PTK2: variants seen among roughly 807,000 people sequenced by gnomAD.
The protein encoded by PTK2 is focal adhesion kinase 1.
A neutral mutation model predicts 150.1 loss-of-function variants in PTK2; 45 were observed. The ratio of observed to expected loss-of-function variants is 0.30; its 90% CI spans 0.24 to 0.38. The LOEUF is 0.38. PTK2 is among the 10% of genes least tolerant of loss of function. The probability of loss-of-function intolerance (pLI) is 1.00; values close to 1 mark genes in which losing one functional copy is unlikely to be tolerated. For synonymous variants in PTK2, 432 were observed against 449.2 expected, an observed-to-expected ratio of 0.96 and a Z score of 0.48; for missense variants, 919 against 1,307.3, an observed-to-expected ratio of 0.70 and a Z score of 4.58.
intron 22 of PTK2, among the ~76,000 whole-genome samples, chr8:140,731,190 C>G (rs2100049094): frequency 6.6e-6 from 1 of 152,040 alleles, no homozygotes; most frequent in African/African-American, 2.4e-5. Context: ...GAGCTCCTGA[C>G]CTCAGGTGAT....
intron 14 of PTK2, among the ~76,000 whole-genome samples, chr8:140,786,628 A>C (rs1370611397): frequency 6.6e-6 from 1 of 152,018 alleles, no homozygotes. Context: ...GAAGGGAGGG[A>C]GGGCCGGCAG....
At chr8:140,748,694 C>T (rs2084031920) in intron 17 of PTK2, among the ~76,000 whole-genome samples, 1 of 152,034 alleles carries the variant, frequency 6.6e-6, no homozygotes. Context: ...CAAGAGGGCA[C>T]TGCATATAGA....
At chr8:140,759,530 TAAAAA>T (rs761643170) in intron 16 of PTK2, among the ~76,000 whole-genome samples, 24 of 58,076 alleles carry the variant, frequency 4.1e-4, no homozygotes, top group South Asian at 9.5e-4. Flanking sequence ...GACCCTGTCC[TAAAAA>T]AAAAAAAAAA....
At chr8:140,661,933 T>C (rs1284201272) in intron 31 of PTK2, among the ~76,000 whole-genome samples, 1 of 152,074 alleles carries the variant, frequency 6.6e-6, no homozygotes, top group African/African-American at 2.4e-5. Flanking sequence ...GGAAGTACAA[T>C]GGGGACAGGA....
At chr8:140,952,307 CG>C (rs756271682) in intron 1 of PTK2, among the ~76,000 whole-genome samples, 3 of 151,960 alleles carry the variant, frequency 2.0e-5, no homozygotes, top group Non-Finnish European at 4.4e-5. Flanking sequence ...ACAATATGGA[CG>C]GGGGAAGGAA....
intron 21 of PTK2, among the ~76,000 whole-genome samples, chr8:140,736,028 T>C (rs971160297): frequency 6.6e-6 from 1 of 152,248 alleles, no homozygotes; most frequent in African/African-American, 2.4e-5. Context: ...CTTCAAGTCG[T>C]CTTGTCTATA....
intron 1 of PTK2, among the ~76,000 whole-genome samples, chr8:140,936,484 G>A (rs895611173): frequency 3.3e-5 from 5 of 152,026 alleles, no homozygotes; most frequent in African/African-American, 9.7e-5. Flanking sequence ...TTTTCTACCT[G>A]GGATGCAAAT....
At chr8:140,988,054 A>G (rs892870511) in intron 1 of PTK2, among the ~76,000 whole-genome samples, 1 of 151,928 alleles carries the variant, frequency 6.6e-6, no homozygotes, top group African/African-American at 2.4e-5. Flanking sequence ...CAAAAAAAAA[A>G]AAAAAAAAAG....
intron 13 of PTK2, among the ~76,000 whole-genome samples, chr8:140,791,757 G>C (rs547618852): frequency 1.3e-5 from 2 of 152,294 alleles, no homozygotes; most frequent in East Asian, 3.9e-4. Context: ...GGGGTTGGAA[G>C]AAGAGTGGAT....
chr8:140,871,980 G>C (rs1436295503), intron 4 of PTK2, among the ~76,000 whole-genome samples: 1 of 152,084 alleles, frequency 6.6e-6, no homozygotes, highest in Admixed American at 6.5e-5. Flanking sequence ...AGGCCAAGGT[G>C]GGCAGATCAT....
At chr8:140,987,359 T>G (rs1341704993) in intron 1 of PTK2, among the ~76,000 whole-genome samples, 1 of 152,126 alleles carries the variant, frequency 6.6e-6, no homozygotes, top group African/African-American at 2.4e-5. Flanking sequence ...TTTTGTATTT[T>G]TAGTAGAGAT....
rs1436482529 is a variant in PTK2 at position 140,770,939 on chromosome 8, C to T, written c.1178-6649G>A. ...TGCTTTTATTTTGACTATTGGCATG[C>T]CTTATTTCTTACTATGATTGACTTG... On this transcript the variant is annotated intron_variant, in intron 14 of 31. Coordinates refer to ENST00000522684, the Ensembl canonical transcript of PTK2. 2.0e-5 allele frequency: 5 copies of T among 245,252 alleles called. No individual in the cohort carries two copies. In the East Asian group the frequency reaches 3.3e-4, roughly 16 times the overall value. The allele number at this position is 245,252 out of a possible 1,614,324, so 15.2% of individuals were successfully genotyped here.
intron 10 of PTK2, among the ~76,000 whole-genome samples, chr8:140,810,597 G>GC (rs1344988564): frequency 6.6e-6 from 1 of 152,190 alleles, no homozygotes; most frequent in Non-Finnish European, 1.5e-5. Context: ...CTAGCCCACA[G>GC]CAATTCCCAA....
At chr8:140,863,582 A>G (rs943097891) in intron 5 of PTK2, among the ~76,000 whole-genome samples, 2 of 152,284 alleles carry the variant, frequency 1.3e-5, no homozygotes, top group East Asian at 1.9e-4. Context: ...CCTTTTCTAC[A>G]AAGTTGAAGA....
At chr8:140,911,457 T>C (rs954506264) in intron 2 of PTK2, among the ~76,000 whole-genome samples, 1 of 152,178 alleles carries the variant, frequency 6.6e-6, no homozygotes, top group Non-Finnish European at 1.5e-5. Flanking sequence ...ATTTTCCCTT[T>C]GCAAAATAGA....
intron 1 of PTK2, among the ~76,000 whole-genome samples, chr8:140,998,487 C>T (rs2100198634): frequency 6.6e-6 from 1 of 151,862 alleles, no homozygotes; most frequent in Admixed American, 6.6e-5. Context: ...ATCTACAGGA[C>T]CTAATCTTTT....
chr8:140,904,295 A>T (rs988478722), intron 2 of PTK2, among the ~76,000 whole-genome samples: 2 of 152,168 alleles, frequency 1.3e-5, no homozygotes, highest in Non-Finnish European at 2.9e-5. Flanking sequence ...GTGATGGATT[A>T]TGTTTATTGA....
At chr8:140,922,139 G>A (rs780529564) in intron 2 of PTK2, among the ~76,000 whole-genome samples, 4 of 152,178 alleles carry the variant, frequency 2.6e-5, no homozygotes, top group East Asian at 1.9e-4. Flanking sequence ...AACAAAGGCT[G>A]AGGAGAACAA....
At chr8:140,675,528 C>T (rs2100013106) in intron 27 of PTK2, 29 bp from the exon 31 acceptor site, 1 of 1,549,612 alleles carries the variant, frequency 6.5e-7, no homozygotes, top group South Asian at 1.1e-5. Flanking sequence ...TCAGTCAATG[C>T]ACTGGTATAT....
Sources: allele counts gnomAD v4.1 joint callset (sites outside exome capture counted in the v4.1 genomes callset), GRCh38; gene constraint gnomAD v4.1.1; transcripts MANE v1.5; gene names NCBI Gene and HGNC (gene_info 2026-07-23, HGNC 2026-07-21).